The following BMPR2 variants were observed in gnomAD, a reference collection of about 807,000 sequenced individuals.
BMPR2 encodes the protein bone morphogenetic protein receptor type-2.
BMPR2 carries 29 observed loss-of-function variants against 100.8 expected under a neutral mutation model. The observed-to-expected ratio is 0.29, with a 90% CI of 0.21 to 0.39. The LOEUF (loss-of-function observed/expected upper bound fraction) is 0.39, where lower values mean the gene tolerates loss of function less well. Among genes scored for constraint, BMPR2 ranks in the 10% least tolerant of loss-of-function variants. The pLI, the probability that BMPR2 is intolerant of heterozygous loss-of-function variation, is 1.00. For synonymous variants in BMPR2, 382 were observed against 442.3 expected (o/e 0.86, Z 1.71); for missense variants, 1,011 against 1,274.5 (o/e 0.79, Z 3.15).
At chr2:202,429,294 CCTT>C (rs1181425746) in intron 1 of BMPR2, among the ~76,000 whole-genome samples, 1 of 152,164 alleles carries the variant, frequency 6.6e-6, no homozygotes, top group African/African-American at 2.4e-5. Flanking sequence ...AGTTCAAACT[CCTT>C]ATCATGGCAC....
chr2:202,490,387 A>G (rs560855839), intron 3 of BMPR2, among the ~76,000 whole-genome samples: 8 of 152,322 alleles, frequency 5.3e-5, no homozygotes, highest in Admixed American at 2.0e-4. Context: ...ATATACACAA[A>G]TGCACACACA....
At chr2:202,451,360 T>C (rs931543433) in intron 1 of BMPR2, among the ~76,000 whole-genome samples, 4 of 152,182 alleles carry the variant, frequency 2.6e-5, no homozygotes, top group African/African-American at 9.7e-5. Flanking sequence ...GTCTTGCCTT[T>C]GAAAAAATGG....
intron 3 of BMPR2, among the ~76,000 whole-genome samples, chr2:202,504,678 CTTTTT>C (rs144161668): frequency 4.4e-5 from 5 of 112,466 alleles, no homozygotes; most frequent in African/African-American, 1.4e-4. Context: ...ATAGTAGATT[CTTTTT>C]TTTTTTTTTT....
chr2:202,468,132 C>T (rs1167731300), intron 3 of BMPR2, among the ~76,000 whole-genome samples: 3 of 151,870 alleles, frequency 2.0e-5, no homozygotes, highest in African/African-American at 7.3e-5. Context: ...AATCCGAAAG[C>T]GATGCACCAG....
intron 9 of BMPR2, among the ~76,000 whole-genome samples, chr2:202,535,274 C>T: frequency 6.6e-6 from 1 of 152,016 alleles, no homozygotes; most frequent in South Asian, 2.1e-4. Context: ...CGGAGAGGCT[C>T]CTCACTTCTC....
At chr2:202,485,280 A>C (rs1220657466) in intron 3 of BMPR2, among the ~76,000 whole-genome samples, 1 of 152,100 alleles carries the variant, frequency 6.6e-6, no homozygotes, top group African/African-American at 2.4e-5. Context: ...ATAATAAATT[A>C]TCACAAATAG....
chr2:202,515,823 A>G (rs915048636), intron 5 of BMPR2, among the ~76,000 whole-genome samples: 6 of 152,164 alleles, frequency 3.9e-5, no homozygotes, highest in African/African-American at 1.4e-4. Flanking sequence ...CAGAAGGTGG[A>G]GGTTGCAATG....
chr2:202,464,883 A>C lies in BMPR2; in HGVS notation c.151A>C (p.Ile51Leu), dbSNP rs1466796813. 1.2e-6 allele frequency: 2 copies of C among 1,613,774 alleles called. No individual in the cohort carries two copies. The highest frequency in any genetic ancestry group is 1.7e-6 in the Non-Finnish European group (2 of 1,179,768). ...AGACCTTGGGATAGGTGAGAGTAGA[A>C]TCTCTCATGAAAATGGGACAATATT... ...QQDLGIGESR[I>L]SHENGTILCS... Residue 51 changes from isoleucine to leucine, a missense_variant, in exon 2 of 13, where the codon ATC becomes CTC. By Grantham distance (5) the Ile-to-Leu change is conservative (BLOSUM62 2). Around this residue, in one of 6 missense-constraint regions of BMPR2, gnomAD observed 355 missense variants for 455.3 expected, o/e 0.78. Coordinates refer to ENST00000374580, the MANE Select transcript of BMPR2 (RefSeq NM_001204.7).
At chr2:202,498,830 C>A (rs1301378299) in intron 3 of BMPR2, among the ~76,000 whole-genome samples, 1 of 152,098 alleles carries the variant, frequency 6.6e-6, no homozygotes, top group African/African-American at 2.4e-5. Context: ...GCAGCTTGAC[C>A]TTTTCTCTAA....
rs1692930420 is a variant in BMPR2 at position 202,492,719 on chromosome 2, A to G, written c.419-21000A>G. ...CTGTCTCAAAAAAAAAAAAAAAAAA[A>G]AAAACCAAAAAAAAAAACAAAAAGG... On this transcript the variant is annotated intron_variant, in intron 3 of 12. Transcript: ENST00000374580. Among the ~76,000 whole-genome samples, 3 of 149,472 alleles carry G rather than the reference A, an allele frequency of 2.0e-5. 1 individual carries two copies. Among genetic ancestry groups the G allele is most frequent in the Admixed American group, 1.3e-4 (2 of 15,000 alleles).
intron 3 of BMPR2, among the ~76,000 whole-genome samples, chr2:202,511,019 A>G (rs1442090500): frequency 1.3e-5 from 2 of 150,018 alleles, no homozygotes; most frequent in Admixed American, 6.7e-5. Context: ...TAAAATTCAC[A>G]TAACTTAGAA....
chr2:202,462,438 C>A (rs1371955939), intron 1 of BMPR2, among the ~76,000 whole-genome samples: 1 of 152,052 alleles, frequency 6.6e-6, no homozygotes, highest in African/African-American at 2.4e-5. Context: ...CCCGGCTGGT[C>A]TCAAACTCCT....
At chr2:202,410,827 C>T (rs1203373885) in intron 1 of BMPR2, among the ~76,000 whole-genome samples, 1 of 152,154 alleles carries the variant, frequency 6.6e-6, no homozygotes, top group Non-Finnish European at 1.5e-5. Flanking sequence ...AATCCGCCCG[C>T]CTCGGCCTCC....
intron 1 of BMPR2, among the ~76,000 whole-genome samples, chr2:202,386,706 A>C (rs1690434545): frequency 6.7e-6 from 1 of 150,170 alleles, no homozygotes; most frequent in Non-Finnish European, 1.5e-5. Flanking sequence ...TGCCAGACAG[A>C]GTCTTGCTCT....
chr2:202,538,280 C>A (rs1688201884), intron 9 of BMPR2, among the ~76,000 whole-genome samples: 1 of 151,294 alleles, frequency 6.6e-6, no homozygotes, highest in African/African-American at 2.4e-5. Flanking sequence ...ATGGTGAAAG[C>A]CTATCTCTAC....
intron 3 of BMPR2, among the ~76,000 whole-genome samples, chr2:202,490,519 A>G (rs1332282655): frequency 6.6e-6 from 1 of 152,242 alleles, no homozygotes; most frequent in East Asian, 1.9e-4. Flanking sequence ...AAATGTACCC[A>G]CAATGATATA....
chr2:202,547,536 A>C (rs1347470132), intron 10 of BMPR2, among the ~76,000 whole-genome samples: 1 of 152,208 alleles, frequency 6.6e-6, no homozygotes. Flanking sequence ...TAATCCCAGC[A>C]CTTTGGGAGG....
intron 7 of BMPR2, chr2:202,520,981 C>T (rs1324486741): frequency 6.4e-6 from 1 of 155,560 alleles, no homozygotes; most frequent in Non-Finnish European, 1.4e-5. Context: ...GGCCCACAGA[C>T]TCCTAGTCTG....
chr2:202,453,524 G>A (rs1468972842), intron 1 of BMPR2, among the ~76,000 whole-genome samples: 4 of 152,082 alleles, frequency 2.6e-5, no homozygotes, highest in African/African-American at 9.7e-5. Flanking sequence ...ATGGATTGGA[G>A]GACATTATGT....
Sources: allele counts gnomAD v4.1 joint callset (sites outside exome capture counted in the v4.1 genomes callset), GRCh38; gene constraint gnomAD v4.1.1; regional missense constraint gnomAD v4.1.1; transcripts MANE v1.5; gene names NCBI Gene and HGNC (gene_info 2026-07-23, HGNC 2026-07-21).